CACNA1C: variants seen among roughly 807,000 people sequenced by gnomAD.
CACNA1C encodes voltage-dependent L-type calcium channel subunit alpha-1C.
CACNA1C carries 30 observed loss-of-function variants against 229.0 expected under a neutral mutation model. That is an observed-to-expected ratio of 0.13 (90% CI 0.10 to 0.18). CACNA1C has a LOEUF of 0.18. CACNA1C is among the 10% of genes least tolerant of loss of function. The pLI, the probability that CACNA1C is intolerant of heterozygous loss-of-function variation, is 1.00. For synonymous variants in CACNA1C, 1,114 were observed against 1,132.5 expected (o/e 0.98, Z 0.33); for missense variants, 1,658 against 2,845.0 (o/e 0.58, Z 9.49).
At chr12:2,364,642 C>G (rs1301226086) in intron 3 of CACNA1C, among the ~76,000 whole-genome samples, 2 of 152,188 alleles carry the variant, frequency 1.3e-5, no homozygotes, top group African/African-American at 4.8e-5. Flanking sequence ...GTCCAGCTCT[C>G]AAGAAGTGGG....
intron 3 of CACNA1C, among the ~76,000 whole-genome samples, chr12:2,424,045 C>T (rs763544479): frequency 5.3e-5 from 8 of 151,908 alleles, no homozygotes; most frequent in African/African-American, 1.7e-4. Context: ...TTCAGTAACC[C>T]GCGCACATTA....
chr12:2,348,583 A>G lies in CACNA1C; in HGVS notation c.478-100393A>G, dbSNP rs1019700748. Among the ~76,000 whole-genome samples the G allele has an allele frequency of 6.6e-6, 1 of 152,144 alleles. No individual in the cohort carries two copies. Among genetic ancestry groups the G allele is most frequent in the Admixed American group, 6.5e-5 (1 of 15,280 alleles). ...AGTCGTCGGCACAAGAAGAGACACT[A>G]TATTAAGGCCTGGTTATGTTTAGAA... is the stretch of plus-strand genomic sequence containing the variant. On this transcript the variant is annotated intron_variant, in intron 3 of 46. Transcript: ENST00000399655. This position sits in a 1 kb window ranked among gnomAD's most constrained non-coding sequence, Gnocchi z 4.7.
At chr12:2,242,685 G>C (rs1378200997) in intron 3 of CACNA1C, among the ~76,000 whole-genome samples, 2 of 152,206 alleles carry the variant, frequency 1.3e-5, no homozygotes. Context: ...TCGTCATGGA[G>C]AGGACAGACC....
At chr12:2,437,457 T>G (rs2099145527) in intron 3 of CACNA1C, among the ~76,000 whole-genome samples, 1 of 152,206 alleles carries the variant, frequency 6.6e-6, no homozygotes, top group Non-Finnish European at 1.5e-5. Flanking sequence ...AACTCAACAT[T>G]CTGGCTCTAC....
At position 2,609,871 on chromosome 12, in the gene CACNA1C, C is replaced by A. The variant is rs139870784; in HGVS notation, c.3559-670C>A. Among the ~76,000 whole-genome samples, 134 of 152,178 alleles carry A rather than the reference C, an allele frequency of 8.8e-4. 3 individuals carry two copies. The highest frequency in any genetic ancestry group is 3.1e-3 in the African/African-American group (129 of 41,504). ...AGGCACAGTGGCTCATGCCTGTAAT[C>A]CCAGCACTTTGGGAGGCCAAGGTGG... is the stretch of plus-strand genomic sequence containing the variant. On this transcript the variant is annotated intron_variant, in intron 27 of 46. Transcript: ENST00000399655.
intron 5 of CACNA1C, among the ~76,000 whole-genome samples, chr12:2,485,367 G>C (rs915463483): frequency 9.9e-5 from 15 of 152,152 alleles, no homozygotes; most frequent in Non-Finnish European, 1.8e-4. Context: ...ATGATTTGCA[G>C]TGTCCCTTTA....
chr12:2,157,312 C>T (rs1165880654), intron 3 of CACNA1C, among the ~76,000 whole-genome samples: 1 of 152,046 alleles, frequency 6.6e-6, no homozygotes, highest in Non-Finnish European at 1.5e-5. Context: ...GACCTCAGAC[C>T]CCTACTCCTA....
At chr12:2,330,117 G>A (rs1417125998) in intron 3 of CACNA1C, among the ~76,000 whole-genome samples, 1 of 152,236 alleles carries the variant, frequency 6.6e-6, no homozygotes, top group Non-Finnish European at 1.5e-5. Context: ...GCTGAGAGAA[G>A]GGTGGATGGT....
intron 3 of CACNA1C, among the ~76,000 whole-genome samples, chr12:2,296,424 G>C (rs970289604): frequency 9.2e-5 from 14 of 152,336 alleles, no homozygotes; most frequent in African/African-American, 3.4e-4. Context: ...GGGCTCTGGG[G>C]GAGTCCAAGA....
chr12:2,409,030 T>C (rs1427133711), intron 3 of CACNA1C, among the ~76,000 whole-genome samples: 1 of 152,200 alleles, frequency 6.6e-6, no homozygotes, highest in Non-Finnish European at 1.5e-5. Flanking sequence ...TCACATTAGT[T>C]TATCCTACTT....
At chr12:2,457,435 CCCA>C in intron 4 of CACNA1C, 129 bp from the exon 5 acceptor site, 1 of 889,064 alleles carries the variant, frequency 1.1e-6, no homozygotes, top group Non-Finnish European at 1.7e-6. Context: ...TCCACGCACA[CCCA>C]CAACGCCCGC....
chr12:2,256,167 C>T (rs2077650270), intron 3 of CACNA1C, among the ~76,000 whole-genome samples: 2 of 151,030 alleles, frequency 1.3e-5, no homozygotes, highest in Non-Finnish European at 3.0e-5. Context: ...ATTCCTGTGC[C>T]TTACACTGGA....
intron 3 of CACNA1C, among the ~76,000 whole-genome samples, chr12:2,257,272 G>A (rs1299176121): frequency 6.6e-6 from 1 of 152,190 alleles, no homozygotes; most frequent in East Asian, 1.9e-4. Context: ...GAGAAATGTA[G>A]TCCAGCTGAG....
chr12:2,104,507 T>A (rs7964989), intron 1 of CACNA1C, among the ~76,000 whole-genome samples: 4 of 152,210 alleles, frequency 2.6e-5, no homozygotes, highest in African/African-American at 9.7e-5. Flanking sequence ...ATAATCATGT[T>A]ATCTGCAAAC....
At chr12:2,117,174 G>A (rs2084306710) in intron 2 of CACNA1C, among the ~76,000 whole-genome samples, 2 of 152,192 alleles carry the variant, frequency 1.3e-5, no homozygotes, top group Non-Finnish European at 2.9e-5. Context: ...GGGAGGCTGA[G>A]GCAAGAGAAT....
chr12:2,159,553 A>T (rs2095732522), intron 3 of CACNA1C, among the ~76,000 whole-genome samples: 1 of 152,064 alleles, frequency 6.6e-6, no homozygotes, highest in Non-Finnish European at 1.5e-5. Context: ...AAACTAGAAA[A>T]ATGAATAGCT....
intron 3 of CACNA1C, among the ~76,000 whole-genome samples, chr12:2,231,729 C>T (rs1011326610): frequency 6.6e-6 from 1 of 152,074 alleles, no homozygotes; most frequent in East Asian, 1.9e-4. Context: ...GCATGAACAA[C>T]AGGGTGTTTT....
chr12:2,452,925 A>G (rs377049828), intron 4 of CACNA1C, among the ~76,000 whole-genome samples: 1 of 152,326 alleles, frequency 6.6e-6, no homozygotes, highest in East Asian at 1.9e-4. Flanking sequence ...TTCAGTGGAA[A>G]GAACATTTCC....
In CACNA1C at chr12:2,089,810, G is replaced by A. The variant is rs182648056; in HGVS notation, c.50-25414G>A. On this transcript the variant is annotated intron_variant, in intron 1 of 46. Transcript: ENST00000399655. ...AGCACTTGGGGAGGCTGAGGTGGGC[G>A]GATCACAAGGTCGGGAGATCGAGAC... is the stretch of plus-strand genomic sequence containing the variant. Among the ~76,000 whole-genome samples the A allele has an allele frequency of 4.3e-3, 650 of 152,134 alleles. 4 individuals are homozygous for A. Among genetic ancestry groups the A allele is most frequent in the African/African-American group, 0.014 (599 of 41,504 alleles).
Sources: gnomAD v4.1 joint callset for allele counts (sites outside exome capture counted in the v4.1 genomes callset) on GRCh38, gnomAD v4.1.1 for gene constraint, Gnocchi (gnomAD v3.1) non-coding constraint, MANE v1.5 for transcripts, NCBI Gene and HGNC (gene_info 2026-07-23, HGNC 2026-07-21) for gene names.